The following CHST3 variants were observed in gnomAD, a reference collection of about 807,000 sequenced individuals.
CHST3 encodes the protein carbohydrate sulfotransferase 3.
A neutral mutation model predicts 35.4 loss-of-function variants in CHST3; 20 were observed. The ratio of observed to expected loss-of-function variants is 0.57; its 90% CI spans 0.40 to 0.82. The LOEUF is 0.82. Ranked by LOEUF, CHST3 falls within the 40% of genes least tolerant of loss-of-function variation. CHST3 has a pLI of 0.00. For missense variants in CHST3, 693 were observed against 670.1 expected (o/e 1.03, Z -0.38); for synonymous variants, 334 against 295.9 (o/e 1.13, Z -1.32).
chr10:72,005,772 G>A lies in CHST3; in HGVS notation c.-71G>A, dbSNP rs557846385. ...CCCCCACCTGAAGACGGCAAGCTGGGTCCTGAGTGATGCCCCTCAGCTGAG... is the reference window on the plus strand; with the variant it reads ...CCCCCACCTGAAGACGGCAAGCTGGATCCTGAGTGATGCCCCTCAGCTGAG... On this transcript the variant is annotated 5_prime_UTR_variant, in exon 2 of 3. Transcript: ENST00000373115. 6.2e-7 allele frequency: 1 copy of A among 1,602,568 alleles called. No homozygotes were observed. Among genetic ancestry groups the A allele is most frequent in the African/African-American group, 1.3e-5 (1 of 74,858 alleles).
At chr10:71,973,971 C>T (rs1220026135) in intron 1 of CHST3, among the ~76,000 whole-genome samples, 4 of 152,198 alleles carry the variant, frequency 2.6e-5, no homozygotes, top group South Asian at 2.1e-4. Context: ...GCTGCCTTCA[C>T]GGGAACCCCA....
rs1048575341 is a variant in CHST3 at position 72,012,747 on chromosome 10, C to G, written c.*4276C>G. ...CAGGGCTCCTGAGTTGGTGGGTTTGCTTGTGAAGCTTCTAGGACAAGGCGC... is the reference window on the plus strand; with the variant it reads ...CAGGGCTCCTGAGTTGGTGGGTTTGGTTGTGAAGCTTCTAGGACAAGGCGC... On this transcript the variant is annotated 3_prime_UTR_variant, in exon 3 of 3. Coordinates refer to ENST00000373115, the MANE Select transcript of CHST3 (RefSeq NM_004273.5). 1 of 152,352 alleles carries G rather than the reference C, an allele frequency of 6.6e-6. No individual in the cohort carries two copies. The highest frequency in any genetic ancestry group is 1.5e-5 in the Non-Finnish European group (1 of 68,142). 9.4% of individuals were successfully genotyped at this position (152,352 alleles called of 1,614,324 possible).
intron 1 of CHST3, among the ~76,000 whole-genome samples, chr10:71,993,542 T>C (rs1418791815): frequency 6.6e-6 from 1 of 152,248 alleles, no homozygotes; most frequent in Non-Finnish European, 1.5e-5. Context: ...CCTCCTCTCC[T>C]GAGTCACAAA....
At chr10:71,996,257 A>T (rs1439102685) in intron 1 of CHST3, among the ~76,000 whole-genome samples, 1 of 152,156 alleles carries the variant, frequency 6.6e-6, no homozygotes, top group East Asian at 1.9e-4. Context: ...AGAAAACTGT[A>T]CTCAAAGAGG....
At chr10:71,971,797 C>T (rs957645154) in intron 1 of CHST3, among the ~76,000 whole-genome samples, 3 of 152,254 alleles carry the variant, frequency 2.0e-5, no homozygotes, top group East Asian at 1.9e-4. Context: ...GTTAGAGACA[C>T]GGAGAGAAGC....
At chr10:72,006,515 A>G (rs1840039969) in intron 2 of CHST3, among the ~76,000 whole-genome samples, 1 of 152,184 alleles carries the variant, frequency 6.6e-6, no homozygotes, top group African/African-American at 2.4e-5. Flanking sequence ...CAAGGCTGCC[A>G]ATGTGCAGCT....
At chr10:71,981,364 G>A (rs189393157) in intron 1 of CHST3, among the ~76,000 whole-genome samples, 3 of 152,322 alleles carry the variant, frequency 2.0e-5, no homozygotes, top group African/African-American at 7.2e-5. Flanking sequence ...GGGCCTCCAT[G>A]GGCCCCTCCC....
intron 1 of CHST3, among the ~76,000 whole-genome samples, chr10:71,995,536 C>G (rs763739213): frequency 4.6e-5 from 7 of 152,130 alleles, no homozygotes; most frequent in Non-Finnish European, 1.0e-4. Flanking sequence ...CCTCACTAAG[C>G]TCCATCATTT....
At chr10:71,991,336 C>T (rs1041074968) in intron 1 of CHST3, among the ~76,000 whole-genome samples, 3 of 152,300 alleles carry the variant, frequency 2.0e-5, no homozygotes, top group Non-Finnish European at 2.9e-5. Flanking sequence ...TGAAAAATGG[C>T]GTCATGTAGA....
At chr10:71,965,707 A>G (rs1397262742) in intron 1 of CHST3, among the ~76,000 whole-genome samples, 2 of 152,346 alleles carry the variant, frequency 1.3e-5, no homozygotes, top group East Asian at 3.9e-4. Context: ...TACTTGCTTG[A>G]TGAATAATGA....
intron 1 of CHST3, among the ~76,000 whole-genome samples, chr10:71,998,905 AGGG>A (rs1283475326): frequency 6.8e-6 from 1 of 147,394 alleles, no homozygotes; most frequent in Non-Finnish European, 1.5e-5. Context: ...TACTGGGTGC[AGGG>A]GGGTGGAGGT....
Position 72,008,601 on chromosome 10 carries a change from A to G in CHST3, c.*130A>G, listed in dbSNP as rs1840075001. 4 of 1,429,678 alleles carry G rather than the reference A, an allele frequency of 2.8e-6. No homozygotes were observed. In the African/African-American group the frequency reaches 4.3e-5, roughly 15 times the overall value. 88.6% of individuals were successfully genotyped at this position (1,429,678 alleles called of 1,614,324 possible). On this transcript the variant is annotated 3_prime_UTR_variant, in exon 3 of 3. Transcript: ENST00000373115. ...TCCTGTAGCAGTAGGGCCCCCAGCC[A>G]GCGCTCCAGCCAAAGCGGCGGCCCC...
chr10:71,992,266 C>T (rs1358450594), intron 1 of CHST3, among the ~76,000 whole-genome samples: 1 of 152,050 alleles, frequency 6.6e-6, no homozygotes, highest in Non-Finnish European at 1.5e-5. Context: ...TTGCAGCAGC[C>T]CTGATCACCT....
chr10:71,984,663 G>C (rs897086579), intron 1 of CHST3, among the ~76,000 whole-genome samples: 5 of 152,174 alleles, frequency 3.3e-5, no homozygotes, highest in Admixed American at 6.5e-5. Context: ...TTTAACTCAG[G>C]GTAAGTTTTC....
rs887046205 is a variant in CHST3 at position 72,008,481 on chromosome 10, G to T, written c.*10G>T. 1.4e-5 allele frequency: 21 copies of T among 1,516,724 alleles called. No individual in the cohort carries two copies. Among genetic ancestry groups the T allele is most frequent in the Non-Finnish European group, 1.9e-5 (21 of 1,130,508 alleles). The allele number at this position is 1,516,724 out of a possible 1,614,324, so 94.0% of individuals were successfully genotyped here. A position where few individuals can be genotyped will look rare whatever the true frequency, so the allele number is the denominator to read the frequency against. ...CTTCTGGGTCACGTAGGGGGGCCGGGGCCCCGTATGCCCCTCCTCGTGAAA... is the reference window on the plus strand; with the variant it reads ...CTTCTGGGTCACGTAGGGGGGCCGGTGCCCCGTATGCCCCTCCTCGTGAAA... On this transcript the variant is annotated 3_prime_UTR_variant, in exon 3 of 3. Transcript: ENST00000373115.
intron 1 of CHST3, among the ~76,000 whole-genome samples, chr10:72,003,209 C>T (rs1840009435): frequency 1.3e-5 from 2 of 152,220 alleles, no homozygotes; most frequent in Admixed American, 1.3e-4. Context: ...TTAAGCTGCC[C>T]ATATCATTGG....
At chr10:71,979,507 C>G (rs1277607515) in intron 1 of CHST3, among the ~76,000 whole-genome samples, 1 of 151,766 alleles carries the variant, frequency 6.6e-6, no homozygotes, top group African/African-American at 2.4e-5. Context: ...TGGGCTCGGC[C>G]TTAAGGGATG....
intron 1 of CHST3, among the ~76,000 whole-genome samples, chr10:71,983,466 T>C (rs1839819684): frequency 6.6e-6 from 1 of 152,160 alleles, no homozygotes; most frequent in African/African-American, 2.4e-5. Flanking sequence ...TGCCTTTTTT[T>C]TTGAAAAGGA....
rs1840074092 is a variant in CHST3 at position 72,008,533 on chromosome 10, C to T, written c.*62C>T. On this transcript the variant is annotated 3_prime_UTR_variant, in exon 3 of 3. Transcript: ENST00000373115. ...GCCTGCCCCGTCTTTCTGCCGCAGC[C>T]CTCGCAGAGGGCGGGTGCACAGCGC... 2 of 1,454,526 alleles carry T rather than the reference C, an allele frequency of 1.4e-6. No homozygotes were observed. The highest frequency in any genetic ancestry group is 1.8e-6 in the Non-Finnish European group (2 of 1,103,882). The allele number at this position is 1,454,526 out of a possible 1,614,324, so 90.1% of individuals were successfully genotyped here. A position where few individuals can be genotyped will look rare whatever the true frequency, so the allele number is the denominator to read the frequency against.
Sources: allele counts gnomAD v4.1 joint callset (sites outside exome capture counted in the v4.1 genomes callset), GRCh38; gene constraint gnomAD v4.1.1; transcripts MANE v1.5; gene names NCBI Gene and HGNC (gene_info 2026-07-23, HGNC 2026-07-21).